Variants in DHRSX observed in about 807,000 individuals in gnomAD.
The protein encoded by DHRSX is dehydrogenase/reductase X-linked, also known as polyprenol dehydrogenase.
DHRSX carries 31 observed loss-of-function variants against 34.0 expected under a neutral mutation model. The ratio of observed to expected loss-of-function variants is 0.91; its 90% confidence interval spans 0.69 to 1.23. The LOEUF is 1.23. DHRSX is among the 50% of genes most tolerant of loss of function. DHRSX has a pLI of 0.00. For synonymous variants in DHRSX, 201 were observed against 183.8 expected (o/e 1.09, Z -0.76); for missense variants, 414 against 428.1 (o/e 0.97, Z 0.29).
At chrX:2,395,943 G>A (rs2043404171) in intron 3 of DHRSX, among the ~76,000 whole-genome samples, 1 of 152,056 alleles carries the variant, frequency 6.6e-6, no homozygotes, top group East Asian at 1.9e-4. Flanking sequence ...CACACCTGGG[G>A]AACTTAATTC....
At chrX:2,457,853 A>G (rs934030864) in intron 1 of DHRSX, among the ~76,000 whole-genome samples, 12 of 151,698 alleles carry the variant, frequency 7.9e-5, no homozygotes, top group Non-Finnish European at 1.2e-4. Flanking sequence ...ACCACCATGT[A>G]CACACTGAAG....
intron 3 of DHRSX, among the ~76,000 whole-genome samples, chrX:2,303,519 A>G (rs1035288651): frequency 2.6e-5 from 4 of 152,108 alleles, no homozygotes; most frequent in African/African-American, 9.7e-5. Context: ...TCATGATTGT[A>G]AGTTGCCTGA....
At chrX:2,383,044 T>C (rs2043231227) in intron 3 of DHRSX, among the ~76,000 whole-genome samples, 2 of 149,352 alleles carry the variant, frequency 1.3e-5, no homozygotes, top group Middle Eastern at 3.5e-3. Context: ...ACTATCACCA[T>C]CATCATCATC....
At chrX:2,264,398 C>G (rs2041409674) in intron 5 of DHRSX, among the ~76,000 whole-genome samples, 1 of 144,894 alleles carries the variant, frequency 6.9e-6, no homozygotes, top group African/African-American at 2.6e-5. Flanking sequence ...CAGGGAGCAC[C>G]ATGCCCAGAG....
chrX:2,404,355 A>C (rs2043526238), intron 3 of DHRSX, among the ~76,000 whole-genome samples: 1 of 152,200 alleles, frequency 6.6e-6, no homozygotes, highest in African/African-American at 2.4e-5. Context: ...AACCTGCTGC[A>C]AATGAGGAAG....
chrX:2,401,159 G>A (rs1001786077), intron 3 of DHRSX, among the ~76,000 whole-genome samples: 4 of 150,868 alleles, frequency 2.7e-5, no homozygotes, highest in African/African-American at 9.8e-5. Flanking sequence ...GCCCAGGCCG[G>A]AGTGCAGTGG....
intron 4 of DHRSX, among the ~76,000 whole-genome samples, chrX:2,289,177 G>A (rs1025310265): frequency 6.6e-6 from 1 of 151,454 alleles, no homozygotes; most frequent in African/African-American, 2.4e-5. Context: ...GAGTGCAATG[G>A]TGTGGTCTCG....
intron 6 of DHRSX, among the ~76,000 whole-genome samples, chrX:2,233,767 G>GA (rs986420264): frequency 4.2e-4 from 62 of 146,592 alleles, no homozygotes; most frequent in African/African-American, 1.1e-3. Flanking sequence ...ACAAGTGCAG[G>GA]AAAAAAAAAA....
At chrX:2,347,441 C>G (rs908934352) in intron 3 of DHRSX, among the ~76,000 whole-genome samples, 3 of 152,220 alleles carry the variant, frequency 2.0e-5, no homozygotes, top group Non-Finnish European at 2.9e-5. Context: ...CGCCTGTAAT[C>G]CCAGCACTTT....
chrX:2,348,166 A>G (rs1263528935), intron 3 of DHRSX, among the ~76,000 whole-genome samples: 3 of 152,218 alleles, frequency 2.0e-5, no homozygotes, highest in African/African-American at 7.2e-5. Flanking sequence ...GCAAAAGAGA[A>G]TAGAGAAGCA....
At chrX:2,252,063 C>G (rs1248886952) in intron 5 of DHRSX, among the ~76,000 whole-genome samples, 1 of 151,960 alleles carries the variant, frequency 6.6e-6, no homozygotes, top group Non-Finnish European at 1.5e-5. Flanking sequence ...CATGGTGAAA[C>G]CCCGTCTCTA....
chrX:2,457,004 C>T (rs768654294), intron 1 of DHRSX, among the ~76,000 whole-genome samples: 2 of 152,104 alleles, frequency 1.3e-5, no homozygotes, highest in African/African-American at 4.8e-5. Context: ...GAGATGGCCA[C>T]GTGCAGAGAG....
At chrX:2,445,298 G>A (rs1252646837) in intron 1 of DHRSX, among the ~76,000 whole-genome samples, 3 of 152,068 alleles carry the variant, frequency 2.0e-5, no homozygotes, top group East Asian at 1.9e-4. Context: ...CAGGAACTGC[G>A]TACCACCTAT....
intron 3 of DHRSX, among the ~76,000 whole-genome samples, chrX:2,314,433 GGGAGGAAGGAAGGGGA>G (rs1208025570): frequency 1.0e-5 from 1 of 98,018 alleles, no homozygotes; most frequent in Non-Finnish European, 1.9e-5. Flanking sequence ...AAGGGGAGAA[GGGAGGAAGGAAGGGGA>G]GAAGGGAGGA....
Position 2,259,303 on chromosome X carries a change from TATAGATATAGATATATAG to T in DHRSX, c.596+7419_596+7436del, listed in dbSNP as rs1295519014. Among the ~76,000 whole-genome samples the T allele has an allele frequency of 1.2e-4, 17 of 147,340 alleles. No homozygotes were observed. The East Asian group carries it at 2.8e-3, about 24-fold the overall frequency. ...AAAAATATATAGATAGATATATAGATATAGATATAGATATATAGATAGATATAGATATATATAGATATA... is the reference window on the plus strand; with the variant it reads ...AAAAATATATAGATAGATATATAGATATAGATATAGATATATATAGATATA... On this transcript the variant is annotated intron_variant, in intron 5 of 6. Coordinates refer to ENST00000334651, the MANE Select transcript of DHRSX (RefSeq NM_145177.3).
At chrX:2,235,683 C>G (rs1048179755) in intron 6 of DHRSX, among the ~76,000 whole-genome samples, 3 of 137,082 alleles carry the variant, frequency 2.2e-5, no homozygotes, top group African/African-American at 8.3e-5. Context: ...GCAGGTGTTG[C>G]AGTGAGCCAA....
At chrX:2,498,342 C>T (rs1248631532) in intron 1 of DHRSX, among the ~76,000 whole-genome samples, 1 of 152,178 alleles carries the variant, frequency 6.6e-6, no homozygotes, top group African/African-American at 2.4e-5. Flanking sequence ...TGTTTCCTCA[C>T]CAACAGCGAA....
intron 3 of DHRSX, among the ~76,000 whole-genome samples, chrX:2,321,461 G>A (rs1261892184): frequency 4.6e-5 from 7 of 152,088 alleles, no homozygotes; most frequent in Non-Finnish European, 8.8e-5. Context: ...GGTATTTGGA[G>A]ACGGAGCCTT....
At chrX:2,314,746 G>C (rs34326260) in intron 3 of DHRSX, among the ~76,000 whole-genome samples, 21,506 of 151,972 alleles carry the variant, frequency 0.14, 2,047 homozygotes, top group Admixed American at 0.22. Context: ...AGACCCTTTA[G>C]ATAGGAATTT....
Sources: gnomAD v4.1 joint callset for allele counts (sites outside exome capture counted in the v4.1 genomes callset) on GRCh38, gnomAD v4.1.1 for gene constraint, MANE v1.5 for transcripts, NCBI Gene and HGNC (gene_info 2026-07-23, HGNC 2026-07-21) for gene names.